Variants in HYDIN observed in about 807,000 individuals in gnomAD.
The protein encoded by HYDIN is axonemal central pair apparatus protein HYDIN.
HYDIN carries 132 observed loss-of-function variants against 403.9 expected under a neutral mutation model. That is an observed-to-expected ratio of 0.33 (90% CI 0.28 to 0.38). The LOEUF (loss-of-function observed/expected upper bound fraction) is 0.38. Among genes scored for constraint, HYDIN ranks in the 10% least tolerant of loss-of-function variants. The pLI is 1.00. For missense variants in HYDIN, 2,827 were observed against 5,009.5 expected, an observed-to-expected ratio of 0.56 and a Z score of 13.15; for synonymous variants, 1,202 against 1,891.7, an observed-to-expected ratio of 0.64 and a Z score of 9.46.
chr16:71,210,830 G>T (rs2088548332), intron 1 of HYDIN, among the ~76,000 whole-genome samples: 1 of 151,690 alleles, frequency 6.6e-6, no homozygotes, highest in Non-Finnish European at 1.5e-5. Flanking sequence ...CAACTGTATT[G>T]ATTTCAAAAA....
rs144467788 is a variant in HYDIN, at chr16:70,872,371, T to TATCCATCC, written c.10949-200_10949-193dup. 5.5e-3 allele frequency among the ~76,000 whole-genome samples: 757 copies of TATCCATCC among 137,126 alleles called. 4 individuals are homozygous for TATCCATCC. Among genetic ancestry groups the TATCCATCC allele is most frequent in the South Asian group, 7.8e-3 (33 of 4,206 alleles). 90.0% of individuals were successfully genotyped at this position (137,126 alleles called of 152,430 possible). A position where few individuals can be genotyped will look rare whatever the true frequency, so the allele number is the denominator to read the frequency against. ...CTATCTATCCACCCATCCATCCATC[T>TATCCATCC]ATCCATCCATCCATCCATCCATCCA... On this transcript the variant is annotated intron_variant, in intron 64 of 85. Coordinates refer to ENST00000393567, the MANE Select transcript of HYDIN (RefSeq NM_001270974.2).
At chr16:70,968,560 A>C (rs1219042176) in intron 36 of HYDIN, among the ~76,000 whole-genome samples, 1 of 152,172 alleles carries the variant, frequency 6.6e-6, no homozygotes, top group Non-Finnish European at 1.5e-5. Context: ...GCAGTAATGA[A>C]GAGCTCCTCC....
At chr16:70,836,353 T>C (rs1233472397) in intron 77 of HYDIN, among the ~76,000 whole-genome samples, 3 of 152,150 alleles carry the variant, frequency 2.0e-5, no homozygotes, top group African/African-American at 4.8e-5. Context: ...TTTTAGGCCA[T>C]TGCTGAGTGA....
intron 83 of HYDIN, among the ~76,000 whole-genome samples, chr16:70,821,819 G>T (rs2143471795): frequency 6.6e-6 from 1 of 152,086 alleles, no homozygotes; most frequent in African/African-American, 2.4e-5. Context: ...TCTGGAAATG[G>T]AACAACAAAT....
intron 59 of HYDIN, 143 bp from the exon 60 acceptor site, chr16:70,883,038 G>T (rs942132393): frequency 1.2e-4 from 78 of 655,822 alleles, no homozygotes; most frequent in Non-Finnish European, 2.5e-5. Context: ...TGTGAGGGAT[G>T]GGAAACATTC....
rs529634837 is a variant in HYDIN at position 70,858,104 on chromosome 16, G to T, written c.12130-234C>A. 1.5e-4 allele frequency among the ~76,000 whole-genome samples: 23 copies of T among 151,938 alleles called. No homozygotes were observed. The South Asian group carries it at 4.0e-3, about 26-fold the overall frequency. On this transcript the variant is annotated intron_variant, in intron 71 of 85. Transcript: ENST00000393567. ...TCTCCCCCATCCACAGCTTCTGCTG[G>T]CTAAGCTGTCGTGTTTTGTGCCATG...
intron 1 of HYDIN, among the ~76,000 whole-genome samples, chr16:71,200,435 G>C (rs2087939422): frequency 6.6e-6 from 1 of 152,168 alleles, no homozygotes; most frequent in South Asian, 2.1e-4. Flanking sequence ...CTGAGAGCAT[G>C]GCTTAGGTTT....
At chr16:71,040,096 C>T (rs1321524914) in intron 18 of HYDIN, among the ~76,000 whole-genome samples, 4 of 151,924 alleles carry the variant, frequency 2.6e-5, no homozygotes, top group Admixed American at 2.6e-4. Flanking sequence ...CTGGCTCCTG[C>T]ACCCACTCAC....
chr16:70,849,040 C>G (rs1798310), intron 75 of HYDIN, among the ~76,000 whole-genome samples: 1 of 152,110 alleles, frequency 6.6e-6, no homozygotes, highest in African/African-American at 2.4e-5. Flanking sequence ...AGGGGGGGTT[C>G]CACTGAACTT....
At position 70,868,666 on chromosome 16, in the gene HYDIN, A is replaced by G. The variant is rs1473542342; in HGVS notation, c.11214T>C (p.Pro3738=). The part of the protein sequence containing the change: ...CKLSRIMFQL[P]ADQVPDWDDR... Reference sequence around the variant, plus strand: ...CATCCCAGTCGGGGACCTGGTCTGCAGGGAGCTGAAACATAATCCTGGAGA... The same window carrying G: ...CATCCCAGTCGGGGACCTGGTCTGCGGGGAGCTGAAACATAATCCTGGAGA... Residue 3738 remains proline, a synonymous_variant, in exon 66 of 86, where the codon CCT becomes CCC. Coordinates refer to ENST00000393567, the MANE Select transcript of HYDIN (RefSeq NM_001270974.2). 4.3e-6 allele frequency: 7 copies of G among 1,614,210 alleles called. No individual in the cohort carries two copies. The highest frequency in any genetic ancestry group is 5.9e-6 in the Non-Finnish European group (7 of 1,180,034).
Position 71,031,894 on chromosome 16 carries a change from C to G in HYDIN, c.2553G>C (p.Thr851=). 7.6e-7 allele frequency: 1 copy of G among 1,317,070 alleles called. No individual in the cohort carries two copies. The highest frequency in any genetic ancestry group is 1.1e-6 in the Non-Finnish European group (1 of 943,934). The allele number at this position is 1,317,070 out of a possible 1,614,324, so 81.6% of individuals were successfully genotyped here. A position where few individuals can be genotyped will look rare whatever the true frequency, so the allele number is the denominator to read the frequency against. ...AHMAHKKSLW[T]IEPNEGMVPP... The stretch of plus-strand genomic sequence containing the variant: ...GAACCATGCCTTCATTGGGTTCAAT[C>G]GTCCAAAGGGATTTTTTGTGTGCCT... Residue 851 remains threonine, a synonymous_variant, in exon 19 of 86, where the codon ACG becomes ACC. Transcript: ENST00000393567.
chr16:70,869,797 G>A (rs1435013773), intron 65 of HYDIN, among the ~76,000 whole-genome samples: 1 of 152,048 alleles, frequency 6.6e-6, no homozygotes, highest in Non-Finnish European at 1.5e-5. Context: ...CTGCTGTAAA[G>A]ATACCTGAAA....
chr16:70,905,912 T>G (rs1227845665), intron 50 of HYDIN, among the ~76,000 whole-genome samples: 1 of 151,840 alleles, frequency 6.6e-6, no homozygotes, highest in Non-Finnish European at 1.5e-5. Flanking sequence ...GAAGATCTTC[T>G]CCATCATCAG....
intron 85 of HYDIN, among the ~76,000 whole-genome samples, chr16:70,808,652 C>T (rs1248789567): frequency 6.6e-6 from 1 of 152,190 alleles, no homozygotes; most frequent in Non-Finnish European, 1.5e-5. Flanking sequence ...ATTGCTACTG[C>T]ACCTAACCTA....
chr16:70,828,679 A>T (rs1437785478), intron 81 of HYDIN, among the ~76,000 whole-genome samples: 3 of 152,234 alleles, frequency 2.0e-5, no homozygotes, highest in African/African-American at 7.2e-5. Context: ...GCATATATAT[A>T]AGAACCATTT....
In HYDIN at chr16:71,020,331, A is replaced by G; in HGVS notation, c.3187-14T>C. On this transcript the variant is annotated splice_polypyrimidine_tract_variant and intron_variant, in intron 21 of 85. Coordinates refer to ENST00000393567, the MANE Select transcript of HYDIN (RefSeq NM_001270974.2). ...ACTGTTAGGTTTCTGCAAAAACAGA[A>G]AAAGAGGAAACAAATCAACTTATGG... 2 of 1,610,732 alleles carry G rather than the reference A, an allele frequency of 1.2e-6. No homozygotes were observed. Among genetic ancestry groups the G allele is most frequent in the South Asian group, 1.1e-5 (1 of 90,264 alleles).
At chr16:71,120,883 T>C (rs1437793027) in intron 9 of HYDIN, among the ~76,000 whole-genome samples, 2 of 152,196 alleles carry the variant, frequency 1.3e-5, no homozygotes, top group African/African-American at 4.8e-5. Flanking sequence ...GTTCCCAACT[T>C]ACATTTAGAA....
At position 71,129,720 on chromosome 16, in the gene HYDIN, G is replaced by C. The variant is rs543553606; in HGVS notation, c.1147C>G (p.Arg383Gly). The C allele has an allele frequency of 1.9e-6, 3 of 1,614,102 alleles. No individual in the cohort carries two copies. Among genetic ancestry groups the C allele is most frequent in the Admixed American group, 1.7e-5 (1 of 60,010 alleles). The change falls in exon 9 of 86, where the codon CGA becomes GGA. Residue 383 changes from arginine (R) to glycine (G), a missense_variant. Transcript: ENST00000393567. The part of the protein sequence containing the change: ...LLREHLSVLS[R>G]TFANQRRLVQ... ...AGCCTCCTCTGATTCGCAAAGGTTC[G>C]GGACAGAACAGAAAGATGTTCTCGG...
intron 4 of HYDIN, among the ~76,000 whole-genome samples, chr16:71,177,097 C>T (rs577988594): frequency 6.6e-6 from 1 of 152,280 alleles, no homozygotes; most frequent in South Asian, 2.1e-4. Context: ...GGATGGGACC[C>T]TCTTTCCATG....
Sources: gnomAD v4.1 joint callset for allele counts (sites outside exome capture counted in the v4.1 genomes callset) on GRCh38, gnomAD v4.1.1 for gene constraint, MANE v1.5 for transcripts, NCBI Gene and HGNC (gene_info 2026-07-23, HGNC 2026-07-21) for gene names.